COBL: variants seen among roughly 807,000 people sequenced by gnomAD.
COBL encodes protein cordon-bleu.
In COBL, 51 loss-of-function variants were observed where a neutral mutation model predicts 98.8. The ratio of observed to expected loss-of-function variants is 0.52; its 90% CI spans 0.41 to 0.65. The LOEUF is 0.65. COBL is among the 30% of genes least tolerant of loss of function. The pLI, the probability that COBL is intolerant of heterozygous loss-of-function variation, is 0.00. For missense variants in COBL, 1,617 were observed against 1,617.5 expected (o/e 1.00, Z 0.01); for synonymous variants, 634 against 651.7 (o/e 0.97, Z 0.41).
intron 5 of COBL, among the ~76,000 whole-genome samples, chr7:51,175,922 C>G (rs917054195): frequency 6.6e-6 from 1 of 152,214 alleles, no homozygotes. Context: ...TACCTTCCCA[C>G]GTTTTCCTGC....
chr7:51,126,845 T>G (rs1349553466), intron 6 of COBL, among the ~76,000 whole-genome samples: 1 of 152,090 alleles, frequency 6.6e-6, no homozygotes, highest in African/African-American at 2.4e-5. Flanking sequence ...GCTGGTTAAT[T>G]CAAGGTGCTC....
intron 1 of COBL, among the ~76,000 whole-genome samples, chr7:51,282,297 C>G (rs1799882758): frequency 1.3e-5 from 2 of 152,002 alleles, no homozygotes; most frequent in Non-Finnish European, 2.9e-5. Flanking sequence ...AACTAAAAGA[C>G]AGATATTATT....
intron 1 of COBL, among the ~76,000 whole-genome samples, chr7:51,230,639 A>G (rs73328586): frequency 6.6e-6 from 1 of 152,048 alleles, no homozygotes; most frequent in Non-Finnish European, 1.5e-5. Context: ...ATTTCCACAC[A>G]CTGAAGATGA....
At chr7:51,196,354 G>A (rs1370735693) in intron 2 of COBL, among the ~76,000 whole-genome samples, 2 of 152,192 alleles carry the variant, frequency 1.3e-5, no homozygotes, top group African/African-American at 2.4e-5. Context: ...AAGACTACTT[G>A]ATCGTGGTGG....
chr7:51,095,604 T>C (rs1343839442), intron 6 of COBL, among the ~76,000 whole-genome samples: 2 of 149,258 alleles, frequency 1.3e-5, no homozygotes, highest in Non-Finnish European at 3.0e-5. Context: ...CATGGCTGAA[T>C]GGATTAAAAA....
chr7:51,023,397 G>C (rs1383574995), intron 12 of COBL, among the ~76,000 whole-genome samples: 1 of 152,106 alleles, frequency 6.6e-6, no homozygotes, highest in Non-Finnish European at 1.5e-5. Context: ...AGCATCCATG[G>C]GTGGGCTGTG....
chr7:51,212,769 C>T (rs1409568414), intron 2 of COBL, among the ~76,000 whole-genome samples: 4 of 152,174 alleles, frequency 2.6e-5, no homozygotes, highest in African/African-American at 9.7e-5. Flanking sequence ...GCAATCTGAA[C>T]CTTCAGGGCT....
chr7:51,054,190 TCAAA>T (rs571561752), intron 7 of COBL, among the ~76,000 whole-genome samples: 74 of 152,064 alleles, frequency 4.9e-4, no homozygotes, highest in East Asian at 7.7e-4. Context: ...TCTCAATCAA[TCAAA>T]CAAACAAACA....
intron 1 of COBL, among the ~76,000 whole-genome samples, chr7:51,251,600 C>G (rs535073648): frequency 6.6e-6 from 1 of 152,336 alleles, no homozygotes; most frequent in East Asian, 1.9e-4. Flanking sequence ...GGGATCATAT[C>G]TCTAAGTTAT....
rs543555596 is a variant in COBL, at chr7:51,092,361, A to G, written c.958-7057T>C. Among the ~76,000 whole-genome samples, 13 of 152,314 alleles carry G rather than the reference A, an allele frequency of 8.5e-5. No homozygotes were observed. The South Asian group carries it at 1.0e-3, about 12-fold the overall frequency. ...ATTCAATAAATCAATGCCGAGGCCA[A>G]TGTCATAGAGCTTCCCTCTATGTTT... On this transcript the variant is annotated intron_variant, in intron 6 of 12. Transcript: ENST00000265136.
At chr7:51,285,894 AAATC>A (rs905651529) in intron 1 of COBL, among the ~76,000 whole-genome samples, 5 of 152,266 alleles carry the variant, frequency 3.3e-5, no homozygotes, top group Non-Finnish European at 7.3e-5. Context: ...CAACAGTTAT[AAATC>A]AATTAAACAA....
chr7:51,301,576 T>C (rs906288611), intron 1 of COBL, among the ~76,000 whole-genome samples: 1 of 152,238 alleles, frequency 6.6e-6, no homozygotes, highest in Non-Finnish European at 1.5e-5. Context: ...CCCTCACACC[T>C]GAGTGTCGGT....
At chr7:51,167,161 T>A (rs904775160) in intron 5 of COBL, among the ~76,000 whole-genome samples, 1 of 152,264 alleles carries the variant, frequency 6.6e-6, no homozygotes, top group African/African-American at 2.4e-5. Flanking sequence ...AGAAGTCAAA[T>A]TATCCTTGTT....
intron 5 of COBL, among the ~76,000 whole-genome samples, chr7:51,167,943 C>G (rs1398922332): frequency 6.6e-6 from 1 of 152,132 alleles, no homozygotes; most frequent in Non-Finnish European, 1.5e-5. Context: ...AATCTAAGAC[C>G]TGAAGCTATG....
At chr7:51,063,373 G>A (rs1791581277) in intron 7 of COBL, among the ~76,000 whole-genome samples, 1 of 152,198 alleles carries the variant, frequency 6.6e-6, no homozygotes. Context: ...GACCTCAGGT[G>A]ATCCGCCTGC....
At chr7:51,048,023 G>A (rs933670241) in intron 7 of COBL, among the ~76,000 whole-genome samples, 6 of 152,004 alleles carry the variant, frequency 3.9e-5, no homozygotes, top group Non-Finnish European at 1.5e-5. Context: ...AAAAAATAGC[G>A]AGGTGTGGTG....
At chr7:51,297,391 CT>C (rs71021766) in intron 1 of COBL, among the ~76,000 whole-genome samples, 346 of 119,254 alleles carry the variant, frequency 2.9e-3, no homozygotes, top group East Asian at 5.4e-3. Flanking sequence ...TTTTGAAAAT[CT>C]TTTTTTTTTT....
At chr7:51,314,230 A>G (rs1056175482) in intron 1 of COBL, among the ~76,000 whole-genome samples, 1 of 152,210 alleles carries the variant, frequency 6.6e-6, no homozygotes, top group Admixed American at 6.5e-5. Flanking sequence ...GCTTGTTTCT[A>G]TACAACACAA....
At chr7:51,147,068 G>A (rs971104778) in intron 5 of COBL, among the ~76,000 whole-genome samples, 9 of 152,232 alleles carry the variant, frequency 5.9e-5, no homozygotes, top group African/African-American at 2.2e-4. Flanking sequence ...GCACTGCAGA[G>A]GGGAGGGGAA....
Sources: allele counts gnomAD v4.1 joint callset (sites outside exome capture counted in the v4.1 genomes callset), GRCh38; gene constraint gnomAD v4.1.1; transcripts MANE v1.5; gene names NCBI Gene and HGNC (gene_info 2026-07-23, HGNC 2026-07-21).